SECISBP2L: variants seen among roughly 807,000 people sequenced by gnomAD.
SECISBP2L encodes SECIS binding protein 2 like.
In SECISBP2L, 43 loss-of-function variants were observed where a neutral mutation model predicts 114.7. That is an observed-to-expected ratio of 0.38 (90% CI 0.29 to 0.48). The LOEUF is 0.48. Ranked by LOEUF, SECISBP2L falls within the 20% of genes least tolerant of loss-of-function variation. The pLI is 0.98. For synonymous variants in SECISBP2L, 451 were observed against 439.7 expected (o/e 1.03, Z -0.32); for missense variants, 1,136 against 1,301.1 (o/e 0.87, Z 1.95).
chr15:49,033,871 T>C (rs1164269714), intron 3 of SECISBP2L, among the ~76,000 whole-genome samples: 1 of 152,140 alleles, frequency 6.6e-6, no homozygotes, highest in Non-Finnish European at 1.5e-5. Context: ...ACTGATCTCT[T>C]CCTTTACTTT....
rs778180608 is a variant in SECISBP2L, at chr15:49,028,666, G to A, written c.681C>T (p.Ile227=). The A allele has an allele frequency of 1.2e-5, 20 of 1,613,686 alleles. No individual in the cohort carries two copies. The highest frequency in any genetic ancestry group is 2.7e-5 in the African/African-American group (2 of 74,904). The part of the protein sequence containing the change: ...ASQQTDFPSD[I]ANKSLSETTA... ...TGGTCTCTGAGAGAGACTTGTTAGCGATATCTGATGGGAAATCTACAAAGG... is the reference window on the plus strand; with the variant it reads ...TGGTCTCTGAGAGAGACTTGTTAGCAATATCTGATGGGAAATCTACAAAGG... Residue 227 remains isoleucine (I), a synonymous_variant, in exon 5 of 18, where the codon ATC becomes ATT. Coordinates refer to ENST00000559471, the MANE Select transcript of SECISBP2L (RefSeq NM_001193489.2).
intron 2 of SECISBP2L, among the ~76,000 whole-genome samples, chr15:49,036,811 G>A (rs752111839): frequency 3.3e-5 from 5 of 152,198 alleles, no homozygotes; most frequent in Admixed American, 6.5e-5. Flanking sequence ...ACACTAATGT[G>A]CAACAGTGGT....
intron 14 of SECISBP2L, 68 bp downstream of exon 14, chr15:49,009,148 A>G: frequency 6.6e-7 from 1 of 1,505,384 alleles, no homozygotes; most frequent in East Asian, 2.3e-5. Flanking sequence ...AACAATGACA[A>G]TACTAAATTC....
chr15:49,024,390 GGA>G (rs1227828243), intron 7 of SECISBP2L, among the ~76,000 whole-genome samples: 8 of 151,790 alleles, frequency 5.3e-5, no homozygotes, highest in African/African-American at 1.9e-4. Flanking sequence ...CAGCTACTCA[GGA>G]GGCTGAGGCA....
intron 7 of SECISBP2L, among the ~76,000 whole-genome samples, chr15:49,025,271 ATGAAGTACAGGT>A (rs1445356756): frequency 3.3e-5 from 5 of 152,176 alleles, no homozygotes; most frequent in Admixed American, 3.3e-4. Context: ...TAAGGTACAT[ATGAAGTACAGGT>A]TGAGTTATTC....
At chr15:49,045,328 C>A (rs1319967075) in intron 1 of SECISBP2L, among the ~76,000 whole-genome samples, 1 of 152,182 alleles carries the variant, frequency 6.6e-6, no homozygotes, top group East Asian at 1.9e-4. Flanking sequence ...CTCATTAATT[C>A]AGGTGCTAAT....
At chr15:48,992,994 C>T (rs543327616) in intron 17 of SECISBP2L, 68 bp from the exon 18 acceptor site, 8 of 1,326,836 alleles carry the variant, frequency 6.0e-6, no homozygotes, top group Middle Eastern at 2.1e-4. Flanking sequence ...TCTTTAAAAA[C>T]CCCCAAAAAA....
At chr15:49,028,263 T>C (rs1566860436) in intron 5 of SECISBP2L, 95 bp from the exon 6 acceptor site, 2 of 1,097,132 alleles carry the variant, frequency 1.8e-6, no homozygotes, top group African/African-American at 3.2e-5. Flanking sequence ...GTGTGAAGCA[T>C]GCATATCACA....
intron 14 of SECISBP2L, among the ~76,000 whole-genome samples, chr15:49,008,432 T>G (rs1326508730): frequency 6.6e-6 from 1 of 152,220 alleles, no homozygotes; most frequent in African/African-American, 2.4e-5. Flanking sequence ...TTTTCCCTTT[T>G]TCCTTCAAGC....
At position 48,992,436 on chromosome 15, in the gene SECISBP2L, A is replaced by G; in HGVS notation, c.3114T>C (p.Asn1038=). Residue 1038 remains asparagine (N), a synonymous_variant, in exon 18 of 18, where the codon AAT becomes AAC. Transcript: ENST00000559471. ...GCTCTACATTGTCTTCCTCAGAACC[A>G]TTAAGGGTTTTTCCAAGCTGAAGGG... The part of the protein sequence containing the change: ...METLQLGKTL[N]GSEEDNVEQS... 1 of 1,614,106 alleles carries G rather than the reference A, an allele frequency of 6.2e-7. No homozygotes were observed. The highest frequency in any genetic ancestry group is 8.5e-7 in the Non-Finnish European group (1 of 1,180,022).
chr15:49,017,658 A>G (rs1420192418), intron 8 of SECISBP2L, 30 bp from the exon 9 acceptor site: 1 of 1,511,464 alleles, frequency 6.6e-7, no homozygotes, highest in Non-Finnish European at 9.1e-7. Flanking sequence ...AAGTAAAAAG[A>G]GTTCAAGGCA....
intron 1 of SECISBP2L, among the ~76,000 whole-genome samples, chr15:49,043,622 T>C (rs1903185788): frequency 6.6e-6 from 1 of 151,516 alleles, no homozygotes; most frequent in African/African-American, 2.4e-5. Context: ...TTTTTTTTTT[T>C]TCAGGGGAAA....
At chr15:49,045,185 A>T (rs4354871) in intron 1 of SECISBP2L, among the ~76,000 whole-genome samples, 36,092 of 150,930 alleles carry the variant, frequency 0.24, 4,658 homozygotes, top group East Asian at 0.42. Flanking sequence ...GCTTTTTTTT[A>T]AAAAAAAAAG....
chr15:49,022,516 C>T lies in SECISBP2L; in HGVS notation c.1036-2964G>A, dbSNP rs566046745. Among the ~76,000 whole-genome samples the T allele has an allele frequency of 4.6e-5, 7 of 151,630 alleles. No homozygotes were observed. The South Asian group carries it at 1.5e-3, about 32-fold the overall frequency. ...TGGGAGGAGGCTGAGGCAGGAGAAT[C>T]ATTTGAACCCAGGAGGAGGAGGTTG... On this transcript the variant is annotated intron_variant, in intron 7 of 17. Transcript: ENST00000559471.
At chr15:49,005,147 T>C (rs761177681) in intron 14 of SECISBP2L, among the ~76,000 whole-genome samples, 2 of 152,184 alleles carry the variant, frequency 1.3e-5, no homozygotes, top group African/African-American at 4.8e-5. Flanking sequence ...CTGGCCAACA[T>C]GGCGAAATCC....
At chr15:49,002,778 T>C (rs1003531365) in intron 14 of SECISBP2L, among the ~76,000 whole-genome samples, 2 of 152,230 alleles carry the variant, frequency 1.3e-5, no homozygotes, top group African/African-American at 4.8e-5. Context: ...TGTGGAGTTA[T>C]TTCTGAGGCC....
intron 12 of SECISBP2L, 46 bp downstream of exon 12, chr15:49,012,602 C>A: frequency 1.9e-6 from 3 of 1,585,828 alleles, no homozygotes; most frequent in Non-Finnish European, 2.6e-6. Context: ...AGATTAAAAT[C>A]CTTATTCATC....
At chr15:49,012,552 A>C (rs1902456766) in intron 12 of SECISBP2L, 96 bp downstream of exon 12, 4 of 1,267,824 alleles carry the variant, frequency 3.2e-6, no homozygotes, top group Non-Finnish European at 1.1e-6. Flanking sequence ...TTCTCACAAC[A>C]ATCTGTTGGC....
At chr15:49,011,661 G>A (rs1595786719) in intron 13 of SECISBP2L, 70 bp downstream of exon 13, 1 of 1,543,160 alleles carries the variant, frequency 6.5e-7, no homozygotes, top group Non-Finnish European at 8.9e-7. Context: ...ATTAACTAGT[G>A]ATAGCTTACG....
Sources: gnomAD v4.1 joint callset for allele counts (sites outside exome capture counted in the v4.1 genomes callset) on GRCh38, gnomAD v4.1.1 for gene constraint, MANE v1.5 for transcripts, NCBI Gene and HGNC (gene_info 2026-07-23, HGNC 2026-07-21) for gene names.